Variants in RMND5A observed in about 807,000 individuals in gnomAD.
RMND5A encodes the protein required for meiotic nuclear division 5 homolog A.
Under a neutral mutation model 49.7 loss-of-function variants are expected in RMND5A, and 17 were observed. The observed-to-expected ratio is 0.34, with a 90% confidence interval of 0.23 to 0.51. The LOEUF (loss-of-function observed/expected upper bound fraction) is 0.51. RMND5A is among the 20% of genes least tolerant of loss of function. The pLI, the probability that RMND5A is intolerant of heterozygous loss-of-function variation, is 0.96. For synonymous variants in RMND5A, 156 were observed against 167.7 expected, an observed-to-expected ratio of 0.93 and a Z score of 0.54; for missense variants, 255 against 471.3, an observed-to-expected ratio of 0.54 and a Z score of 4.25.
rs1225917221 is a variant in RMND5A, at chr2:86,720,546, C to T, written c.-122C>T. The T allele has an allele frequency of 4.3e-5, 34 of 787,222 alleles. No homozygotes were observed. The highest frequency in any genetic ancestry group is 9.5e-5 in the Admixed American group (2 of 20,956). 48.8% of individuals were successfully genotyped at this position (787,222 alleles called of 1,614,324 possible). Reference sequence around the variant, plus strand: ...GCGGCTAGTGCGCCCGCCGCCTCGGCCGCCTCAGCCTCCCGCGCCGCCCGC... The same window carrying T: ...GCGGCTAGTGCGCCCGCCGCCTCGGTCGCCTCAGCCTCCCGCGCCGCCCGC... On this transcript the variant is annotated 5_prime_UTR_variant, in exon 1 of 9. Coordinates refer to ENST00000283632, the MANE Select transcript of RMND5A (RefSeq NM_022780.4).
At chr2:86,763,152 T>G (rs1405356433) in intron 4 of RMND5A, among the ~76,000 whole-genome samples, 2 of 151,688 alleles carry the variant, frequency 1.3e-5, no homozygotes, top group African/African-American at 2.4e-5. Context: ...ATTTATGAAT[T>G]TTTCGTTTTT....
intron 1 of RMND5A, 176 bp downstream of exon 1, chr2:86,720,985 G>A: frequency 1.9e-6 from 1 of 528,988 alleles, no homozygotes; most frequent in Non-Finnish European, 3.2e-6. Flanking sequence ...GATTTACCTC[G>A]AACCTGCCGC....
chr2:86,746,284 C>A (rs561076288), intron 2 of RMND5A, among the ~76,000 whole-genome samples: 2 of 152,078 alleles, frequency 1.3e-5, no homozygotes, highest in Non-Finnish European at 2.9e-5. Flanking sequence ...TGCATGCTTT[C>A]GTGTATTTGT....
rs5832691 is a variant in RMND5A at position 86,762,709 on chromosome 2, C to CAT, written c.522-2311_522-2310dup. Among the ~76,000 whole-genome samples, 116 of 25,396 alleles carry CAT rather than the reference C, an allele frequency of 4.6e-3. 2 individuals carry two copies. The highest frequency in any genetic ancestry group is 0.021 in the East Asian group (2 of 96). The allele number at this position is 25,396 out of a possible 152,430, so 16.7% of individuals were successfully genotyped here. On this transcript the variant is annotated intron_variant, in intron 4 of 8. Coordinates refer to ENST00000283632, the MANE Select transcript of RMND5A (RefSeq NM_022780.4). ...TATATATCATATATATCATATATAT[C>CAT]ATATATATCATATATATCATATATA...
intron 1 of RMND5A, chr2:86,721,038 C>T (rs937515054): frequency 4.6e-6 from 2 of 436,648 alleles, no homozygotes; most frequent in African/African-American, 2.1e-5. Context: ...CACCCGGAAA[C>T]CCAGCCGGGA....
At chr2:86,768,167 CA>C (rs1350470889) in intron 6 of RMND5A, among the ~76,000 whole-genome samples, 2 of 151,992 alleles carry the variant, frequency 1.3e-5, no homozygotes, top group African/African-American at 4.8e-5. Context: ...AGATATAATC[CA>C]CAAAAAGAAA....
chr2:86,723,985 T>C (rs1387717869), intron 1 of RMND5A, among the ~76,000 whole-genome samples: 1 of 152,132 alleles, frequency 6.6e-6, no homozygotes, highest in Admixed American at 6.5e-5. Flanking sequence ...CTTGGGGAAA[T>C]GAGGATAGTA....
chr2:86,725,451 G>A (rs1681276192), intron 1 of RMND5A, among the ~76,000 whole-genome samples: 1 of 86,188 alleles, frequency 1.2e-5, no homozygotes, highest in African/African-American at 4.5e-5. Context: ...GCAGTGGTGC[G>A]ATCTTAGCTC....
chr2:86,721,431 TTGG>T (rs1249370531), intron 1 of RMND5A, among the ~76,000 whole-genome samples: 2 of 151,928 alleles, frequency 1.3e-5, no homozygotes, highest in Non-Finnish European at 2.9e-5. Flanking sequence ...ACATGGTTCC[TTGG>T]AAACCAGCTC....
intron 8 of RMND5A, among the ~76,000 whole-genome samples, chr2:86,772,511 T>C (rs1401572182): frequency 6.6e-6 from 1 of 151,434 alleles, no homozygotes; most frequent in Non-Finnish European, 1.5e-5. Flanking sequence ...AAGTGAATTA[T>C]CTATACCTGA....
At chr2:86,755,043 T>TGACA in intron 4 of RMND5A, among the ~76,000 whole-genome samples, 1 of 152,302 alleles carries the variant, frequency 6.6e-6, no homozygotes, top group African/African-American at 2.4e-5. Context: ...TTTCAGATTG[T>TGACA]GACACATCTG....
chr2:86,745,487 C>G (rs1681522892), intron 2 of RMND5A, among the ~76,000 whole-genome samples: 2 of 152,140 alleles, frequency 1.3e-5, no homozygotes, highest in South Asian at 4.1e-4. Flanking sequence ...GGCAAAACAG[C>G]AACTGAGAAT....
chr2:86,770,616 C>A (rs1672671462), intron 7 of RMND5A, among the ~76,000 whole-genome samples: 1 of 152,194 alleles, frequency 6.6e-6, no homozygotes, highest in Admixed American at 6.5e-5. Flanking sequence ...CTACTGCTCT[C>A]ATGGAAAGGA....
chr2:86,774,994 C>T lies in RMND5A; in HGVS notation c.*1583C>T, dbSNP rs889269354. The T allele has an allele frequency of 6.6e-6, 1 of 152,628 alleles. No homozygotes were observed. The highest frequency in any genetic ancestry group is 2.4e-5 in the African/African-American group (1 of 41,438). 9.5% of individuals were successfully genotyped at this position (152,628 alleles called of 1,614,324 possible). ...CTGTGGAAAACCTCTGCTTGAGTACCATGTGGCCAGGCCTATGTGGATGGC... is the reference window on the plus strand; with the variant it reads ...CTGTGGAAAACCTCTGCTTGAGTACTATGTGGCCAGGCCTATGTGGATGGC... On this transcript the variant is annotated 3_prime_UTR_variant, in exon 9 of 9. Coordinates refer to ENST00000283632, the MANE Select transcript of RMND5A (RefSeq NM_022780.4).
chr2:86,754,829 G>C (rs1681702341), intron 4 of RMND5A, among the ~76,000 whole-genome samples: 1 of 152,036 alleles, frequency 6.6e-6, no homozygotes, highest in African/African-American at 2.4e-5. Flanking sequence ...CCAAAGTGCT[G>C]GAATTACAGA....
intron 1 of RMND5A, among the ~76,000 whole-genome samples, chr2:86,728,996 T>C (rs999640583): frequency 1.3e-5 from 2 of 151,916 alleles, no homozygotes; most frequent in African/African-American, 4.9e-5. Flanking sequence ...CCTCGTAATC[T>C]GCCCGCCTTG....
At chr2:86,751,815 C>T in intron 2 of RMND5A, 81 bp from the exon 3 acceptor site, 1 of 1,409,096 alleles carries the variant, frequency 7.1e-7, no homozygotes, top group Non-Finnish European at 9.6e-7. Flanking sequence ...GTATCTCAGA[C>T]TGAAACAAAG....
chr2:86,771,525 C>T (rs1238428955), intron 7 of RMND5A, 33 bp from the exon 8 acceptor site: 8 of 1,563,626 alleles, frequency 5.1e-6, no homozygotes, highest in Non-Finnish European at 6.9e-6. Flanking sequence ...AATATGACTT[C>T]AGCTTTTTTA....
chr2:86,763,009 C>T (rs1401097026), intron 4 of RMND5A, among the ~76,000 whole-genome samples: 3 of 151,884 alleles, frequency 2.0e-5, no homozygotes, highest in Non-Finnish European at 4.4e-5. Context: ...CACCACTGCA[C>T]TGCAGCCTGG....
Sources: allele counts gnomAD v4.1 joint callset (sites outside exome capture counted in the v4.1 genomes callset), GRCh38; gene constraint gnomAD v4.1.1; transcripts MANE v1.5; gene names NCBI Gene and HGNC (gene_info 2026-07-23, HGNC 2026-07-21).